The following RAB3D variants were observed in gnomAD, a reference collection of about 807,000 sequenced individuals.
RAB3D encodes RAB3D, member RAS oncogene family, also known as ras-related protein Rab-3D.
Under a neutral mutation model 19.3 loss-of-function variants are expected in RAB3D, and 17 were observed. That is an observed-to-expected ratio of 0.88 (90% CI 0.60 to 1.32). The LOEUF (loss-of-function observed/expected upper bound fraction) is 1.32. Ranked by LOEUF, RAB3D falls within the 40% of genes most tolerant of loss-of-function variation. The pLI, the probability that RAB3D is intolerant of heterozygous loss-of-function variation, is 0.00. For synonymous variants in RAB3D, 103 were observed against 119.9 expected (o/e 0.86, Z 0.92); for missense variants, 223 against 299.1 (o/e 0.75, Z 1.88).
chr19:11,337,065 G>A (rs1250404148), intron 2 of RAB3D, 107 bp downstream of exon 2: 20 of 952,962 alleles, frequency 2.1e-5, no homozygotes, highest in Non-Finnish European at 3.0e-5. Flanking sequence ...CTGCCCTCCA[G>A]CCTGGGCAAC....
At position 11,324,894 on chromosome 19, in the gene RAB3D, A is replaced by C. The variant is rs910843990; in HGVS notation, c.*504T>G. ...TGGAATCCAGAAAGTTCGTGGGGGC[A>C]GGCTCAGAGACCAGCCTGCAGGACC... is the stretch of plus-strand genomic sequence containing the variant. On this transcript the variant is annotated 3_prime_UTR_variant, in exon 5 of 5. Coordinates refer to ENST00000222120, the MANE Select transcript of RAB3D (RefSeq NM_004283.4). 6.5e-6 allele frequency: 1 copy of C among 152,692 alleles called. No individual in the cohort carries two copies. Among genetic ancestry groups the C allele is most frequent in the Admixed American group, 6.5e-5 (1 of 15,316 alleles). 9.5% of individuals were successfully genotyped at this position (152,692 alleles called of 1,614,324 possible).
At chr19:11,329,842 C>T (rs950359967) in intron 4 of RAB3D, among the ~76,000 whole-genome samples, 5 of 151,888 alleles carry the variant, frequency 3.3e-5, no homozygotes, top group African/African-American at 1.2e-4. Flanking sequence ...CCACCACACC[C>T]AGCTAATTTT....
chr19:11,333,654 G>C (rs564724639), intron 4 of RAB3D, among the ~76,000 whole-genome samples: 2 of 151,988 alleles, frequency 1.3e-5, no homozygotes, highest in South Asian at 2.1e-4. Context: ...GGGAAAGCTG[G>C]GGTTAAAAAC....
In RAB3D at chr19:11,323,452, G is replaced by A. The variant is rs1216486089; in HGVS notation, c.*1946C>T. Reference sequence around the variant, plus strand: ...CTAAAAATACAAAATTTAGCCGGGTGTGGTGGCAGGTGCCTGTAATGCCAG... The same window carrying A: ...CTAAAAATACAAAATTTAGCCGGGTATGGTGGCAGGTGCCTGTAATGCCAG... On this transcript the variant is annotated 3_prime_UTR_variant, in exon 5 of 5. Coordinates refer to ENST00000222120, the MANE Select transcript of RAB3D (RefSeq NM_004283.4). 6.6e-6 allele frequency: 1 copy of A among 151,980 alleles called. No individual in the cohort carries two copies. The highest frequency in any genetic ancestry group is 1.5e-5 in the Non-Finnish European group (1 of 68,024). 9.4% of individuals were successfully genotyped at this position (151,980 alleles called of 1,614,324 possible). A position where few individuals can be genotyped will look rare whatever the true frequency, so the allele number is the denominator to read the frequency against.
chr19:11,325,870 T>G (rs991051805), intron 4 of RAB3D, among the ~76,000 whole-genome samples: 3 of 152,116 alleles, frequency 2.0e-5, no homozygotes, highest in African/African-American at 7.2e-5. Flanking sequence ...GGCCAGGAGT[T>G]CAAGACCAGC....
chr19:11,334,816 G>A (rs1050269886), intron 4 of RAB3D, among the ~76,000 whole-genome samples: 1 of 151,968 alleles, frequency 6.6e-6, no homozygotes, highest in African/African-American at 2.4e-5. Flanking sequence ...CCAGCTACTT[G>A]GGAGGCTGAA....
chr19:11,327,688 C>T (rs1329618713), intron 4 of RAB3D, among the ~76,000 whole-genome samples: 1 of 152,148 alleles, frequency 6.6e-6, no homozygotes, highest in Admixed American at 6.6e-5. Flanking sequence ...CATGAACCAC[C>T]GTGCCCAGCT....
chr19:11,325,319 G>A lies in RAB3D; in HGVS notation c.*79C>T, dbSNP rs2080805317. On this transcript the variant is annotated 3_prime_UTR_variant, in exon 5 of 5. Coordinates refer to ENST00000222120, the MANE Select transcript of RAB3D (RefSeq NM_004283.4). ...GGGAAGGGATTGCCCTGAGCTTGGAGATAACCACTGTGGCTCACGCCTCGA... is the reference window on the plus strand; with the variant it reads ...GGGAAGGGATTGCCCTGAGCTTGGAAATAACCACTGTGGCTCACGCCTCGA... 1.1e-6 allele frequency: 1 copy of A among 919,632 alleles called. No individual in the cohort carries two copies. Among genetic ancestry groups the A allele is most frequent in the Admixed American group, 2.3e-5 (1 of 43,400 alleles). 57.0% of individuals were successfully genotyped at this position (919,632 alleles called of 1,614,324 possible). A position where few individuals can be genotyped will look rare whatever the true frequency, so the allele number is the denominator to read the frequency against.
chr19:11,332,965 C>A (rs1177115235), intron 4 of RAB3D, among the ~76,000 whole-genome samples: 2 of 152,008 alleles, frequency 1.3e-5, no homozygotes, highest in East Asian at 3.9e-4. Context: ...GAGGAAAAGG[C>A]TAGAAATAAT....
Position 11,322,247 on chromosome 19 carries a change from ACT to A in RAB3D, c.*3149_*3150del, listed in dbSNP as rs2147962897. On this transcript the variant is annotated 3_prime_UTR_variant, in exon 5 of 5. Coordinates refer to ENST00000222120, the MANE Select transcript of RAB3D (RefSeq NM_004283.4). ...CCGGTAGCAGAATTATCCCGTTAAC[ACT>A]GAGACCACATTTCACCTGTTACTTA... The A allele has an allele frequency of 1.3e-5, 2 of 152,178 alleles. No homozygotes were observed. The highest frequency in any genetic ancestry group is 4.8e-5 in the African/African-American group (2 of 41,522). 9.4% of individuals were successfully genotyped at this position (152,178 alleles called of 1,614,324 possible).
rs909502816 is a variant in RAB3D, at chr19:11,324,775, C to A, written c.*623G>T. On this transcript the variant is annotated 3_prime_UTR_variant, in exon 5 of 5. Transcript: ENST00000222120. ...AAGCCGGGGGGTTGAGGGGATCTGA[C>A]TCCCTGTCCCTTCTACAATGGGAAA... The A allele has an allele frequency of 6.6e-6, 1 of 152,616 alleles. No homozygotes were observed. Among genetic ancestry groups the A allele is most frequent in the Non-Finnish European group, 1.5e-5 (1 of 68,100 alleles). 9.5% of individuals were successfully genotyped at this position (152,616 alleles called of 1,614,324 possible).
intron 2 of RAB3D, 33 bp downstream of exon 2, chr19:11,337,139 C>A: frequency 6.3e-7 from 1 of 1,586,994 alleles, no homozygotes; most frequent in Non-Finnish European, 8.7e-7. Flanking sequence ...GGAGGGACCC[C>A]ACCCCCAACC....
Position 11,323,909 on chromosome 19 carries a change from A to G in RAB3D, c.*1489T>C, listed in dbSNP as rs12980573. 0.034 allele frequency: 5,217 copies of G among 152,348 alleles called. 92 individuals carry two copies. The highest frequency in any genetic ancestry group is 0.048 in the African/African-American group (1,996 of 41,536). 9.4% of individuals were successfully genotyped at this position (152,348 alleles called of 1,614,324 possible). On this transcript the variant is annotated 3_prime_UTR_variant, in exon 5 of 5. Coordinates refer to ENST00000222120, the MANE Select transcript of RAB3D (RefSeq NM_004283.4). ...AGCAAAGAAAAGGTGCTGCGCCCCT[A>G]GAGTTTGGAATCTGATGGGCAGAAA...
At chr19:11,337,674 T>C (rs1966909708) in intron 1 of RAB3D, among the ~76,000 whole-genome samples, 1 of 150,284 alleles carries the variant, frequency 6.7e-6, no homozygotes. Context: ...TTTCTTTCTT[T>C]TTTTTTTTTT....
chr19:11,328,356 A>G (rs2080823367), intron 4 of RAB3D, among the ~76,000 whole-genome samples: 1 of 146,192 alleles, frequency 6.8e-6, no homozygotes. Context: ...AAAAAAAAGA[A>G]GAAGGTTGGG....
chr19:11,337,669 TTC>T (rs974822259), intron 1 of RAB3D, among the ~76,000 whole-genome samples: 4 of 151,214 alleles, frequency 2.6e-5, no homozygotes, highest in African/African-American at 9.7e-5. Context: ...GTTTCTTTCT[TTC>T]TTTTTTTTTT....
rs2080800737 is a variant in RAB3D, at chr19:11,324,652, T to G, written c.*746A>C. 2 of 152,478 alleles carry G rather than the reference T, an allele frequency of 1.3e-5. No individual in the cohort carries two copies. Among genetic ancestry groups the G allele is most frequent in the Admixed American group, 1.3e-4 (2 of 15,228 alleles). 9.4% of individuals were successfully genotyped at this position (152,478 alleles called of 1,614,324 possible). A position where few individuals can be genotyped will look rare whatever the true frequency, so the allele number is the denominator to read the frequency against. On this transcript the variant is annotated 3_prime_UTR_variant, in exon 5 of 5. Transcript: ENST00000222120. The stretch of plus-strand genomic sequence containing the variant: ...GTGGTCCATAGTTCCAGAATTCACT[T>G]CAGGATCAGAGATGTGGTGAACACA...
Position 11,325,148 on chromosome 19 carries a change from G to A in RAB3D, c.*250C>T, listed in dbSNP as rs1013259988. ...CCTGGAAAGCAGCAAGCTCATGCACGTCAGTGTCCCTGGGCCTCTGCCTGC... is the reference window on the plus strand; with the variant it reads ...CCTGGAAAGCAGCAAGCTCATGCACATCAGTGTCCCTGGGCCTCTGCCTGC... On this transcript the variant is annotated 3_prime_UTR_variant, in exon 5 of 5. Coordinates refer to ENST00000222120, the MANE Select transcript of RAB3D (RefSeq NM_004283.4). The A allele has an allele frequency of 1.6e-5, 7 of 429,088 alleles. No homozygotes were observed. The highest frequency in any genetic ancestry group is 3.0e-5 in the South Asian group (1 of 32,898). The allele number at this position is 429,088 out of a possible 1,614,324, so 26.6% of individuals were successfully genotyped here. A position where few individuals can be genotyped will look rare whatever the true frequency, so the allele number is the denominator to read the frequency against.
At position 11,323,356 on chromosome 19, in the gene RAB3D, G is replaced by A. The variant is rs1216859441; in HGVS notation, c.*2042C>T. ...CGCCTGTAATCCCAGCACTTTGGGA[G>A]GCCGAAGCAAGTGGATCACTTGAAG... is the stretch of plus-strand genomic sequence containing the variant. On this transcript the variant is annotated 3_prime_UTR_variant, in exon 5 of 5. Transcript: ENST00000222120. The A allele has an allele frequency of 6.6e-6, 1 of 152,184 alleles. No homozygotes were observed. The highest frequency in any genetic ancestry group is 1.9e-4 in the East Asian group (1 of 5,176). The allele number at this position is 152,184 out of a possible 1,614,324, so 9.4% of individuals were successfully genotyped here.
Sources: allele counts gnomAD v4.1 joint callset (sites outside exome capture counted in the v4.1 genomes callset), GRCh38; gene constraint gnomAD v4.1.1; transcripts MANE v1.5; gene names NCBI Gene and HGNC (gene_info 2026-07-23, HGNC 2026-07-21).